Variants in SLC19A3 observed in about 807,000 individuals in gnomAD.
The protein encoded by SLC19A3 is solute carrier family 19 member 3.
In SLC19A3, 31 loss-of-function variants were observed where a neutral mutation model predicts 40.2. The observed-to-expected ratio is 0.77, with a 90% confidence interval of 0.58 to 1.04. SLC19A3 has a LOEUF of 1.04. Ranked by LOEUF, SLC19A3 falls within the 50% of genes least tolerant of loss-of-function variation. The probability of loss-of-function intolerance (pLI) is 0.00; values close to 1 mark genes in which losing one functional copy is unlikely to be tolerated. For synonymous variants in SLC19A3, 212 were observed against 227.5 expected, an observed-to-expected ratio of 0.93 and a Z score of 0.61; for missense variants, 592 against 596.7, an observed-to-expected ratio of 0.99 and a Z score of 0.08.
chr2:227,717,964 C>T lies in SLC19A3; in HGVS notation c.-24G>A, dbSNP rs1574587710. ...TTACCTACAGAAGGGAGTGTCTGTT[C>T]ACCAAATCGCTCACTTGCCGCACGA... is the stretch of plus-strand genomic sequence containing the variant. On this transcript the variant is annotated 5_prime_UTR_variant, in exon 1 of 6. Coordinates refer to ENST00000644224, the MANE Select transcript of SLC19A3 (RefSeq NM_025243.4). 3 of 985,432 alleles carry T rather than the reference C, an allele frequency of 3.0e-6. No homozygotes were observed. The highest frequency in any genetic ancestry group is 3.6e-6 in the Non-Finnish European group (3 of 829,952). 61.0% of individuals were successfully genotyped at this position (985,432 alleles called of 1,614,324 possible).
At chr2:227,691,930 T>C (rs1695246813) in intron 4 of SLC19A3, among the ~76,000 whole-genome samples, 1 of 152,150 alleles carries the variant, frequency 6.6e-6, no homozygotes, top group South Asian at 2.1e-4. Flanking sequence ...GGATCATCAG[T>C]GGCTACTATG....
chr2:227,706,098 T>G (rs1695930060), intron 1 of SLC19A3, among the ~76,000 whole-genome samples: 1 of 152,110 alleles, frequency 6.6e-6, no homozygotes, highest in African/African-American at 2.4e-5. Flanking sequence ...CACATGTCCC[T>G]TATAAACATA....
chr2:227,684,640 T>C lies in SLC19A3; in HGVS notation c.*2757A>G, dbSNP rs78803281. The C allele has an allele frequency of 0.074, 11,248 of 152,390 alleles. 1,178 individuals are homozygous for C. The highest frequency in any genetic ancestry group is 0.24 in the African/African-American group (9,840 of 41,462). The allele number at this position is 152,390 out of a possible 1,614,324, so 9.4% of individuals were successfully genotyped here. On this transcript the variant is annotated 3_prime_UTR_variant, in exon 6 of 6. Transcript: ENST00000644224. ...AATTTCTGACCTCTGATTTTTCTTG[T>C]TTGTCTAATTGTGATGCCTAATGCC...
intron 4 of SLC19A3, among the ~76,000 whole-genome samples, chr2:227,691,677 A>G (rs1695237242): frequency 6.6e-6 from 1 of 152,216 alleles, no homozygotes; most frequent in Admixed American, 6.5e-5. Context: ...ATAAAGAACT[A>G]GAAAAGTAAG....
chr2:227,695,693 T>A lies in SLC19A3; in HGVS notation c.1172+196A>T, dbSNP rs79988924. 8,782 of 607,780 alleles carry A rather than the reference T, an allele frequency of 0.014. 582 individuals carry two copies. Among genetic ancestry groups the A allele is most frequent in the African/African-American group, 0.14 (7,808 of 54,154 alleles). The allele number at this position is 607,780 out of a possible 1,614,324, so 37.6% of individuals were successfully genotyped here. On this transcript the variant is annotated intron_variant, in intron 4 of 5. Coordinates refer to ENST00000644224, the MANE Select transcript of SLC19A3 (RefSeq NM_025243.4). ...TACAGAGTTTTTTCCCTTGATGACTTAAGGTATATTGTAGCAATATTCAGA... is the reference window on the plus strand; with the variant it reads ...TACAGAGTTTTTTCCCTTGATGACTAAAGGTATATTGTAGCAATATTCAGA...
In SLC19A3 at chr2:227,687,423, T is replaced by C. The variant is rs1695056246; in HGVS notation, c.1465A>G (p.Asn489Asp). The change falls in exon 6 of 6, where the codon AAT (asparagine) becomes GAT (aspartate). Residue 489 changes from asparagine to aspartate, a missense_variant. Asn to Asp is a conservative substitution (Grantham distance 23). Coordinates refer to ENST00000644224, the MANE Select transcript of SLC19A3 (RefSeq NM_025243.4). ...TAGAGTTTTGTTGACATGATGATAT[T>C]ACTCTCTTCCTCTGGGTGAGACACA... ...PDVSHPEEESNIIMSTKL is the reference protein window; with the variant it reads ...PDVSHPEEESDIIMSTKL 6.2e-7 allele frequency: 1 copy of C among 1,613,160 alleles called. No individual in the cohort carries two copies. The highest frequency in any genetic ancestry group is 8.5e-7 in the Non-Finnish European group (1 of 1,179,398).
rs886055762 is a variant in SLC19A3, at chr2:227,687,291, T to C, written c.*106A>G. ...TTTGAAAGGTCCATTGGAATCCAGA[T>C]TTGCAAAGCATGTCAAGTTATGGCA... is the stretch of plus-strand genomic sequence containing the variant. On this transcript the variant is annotated 3_prime_UTR_variant, in exon 6 of 6. Transcript: ENST00000644224. 3 of 1,209,344 alleles carry C rather than the reference T, an allele frequency of 2.5e-6. No homozygotes were observed. Among genetic ancestry groups the C allele is most frequent in the Non-Finnish European group, 3.5e-6 (3 of 858,058 alleles). 74.9% of individuals were successfully genotyped at this position (1,209,344 alleles called of 1,614,324 possible). A position where few individuals can be genotyped will look rare whatever the true frequency, so the allele number is the denominator to read the frequency against.
intron 1 of SLC19A3, chr2:227,706,413 C>T: frequency 1.6e-6 from 2 of 1,231,086 alleles, no homozygotes; most frequent in African/African-American, 1.6e-5. Context: ...GTCATCTTCA[C>T]CCATTATTAT....
At chr2:227,693,466 G>A (rs1454708637) in intron 4 of SLC19A3, among the ~76,000 whole-genome samples, 1 of 152,140 alleles carries the variant, frequency 6.6e-6, no homozygotes, top group Non-Finnish European at 1.5e-5. Flanking sequence ...CACCAAAGAT[G>A]CCAGGAACAT....
chr2:227,704,220 T>C (rs2106334776), intron 1 of SLC19A3, among the ~76,000 whole-genome samples: 1 of 152,234 alleles, frequency 6.6e-6, no homozygotes, highest in African/African-American at 2.4e-5. Context: ...AAGACAATCT[T>C]ATAGAAGGAA....
Position 227,693,290 on chromosome 2 carries a change from C to CAAA in SLC19A3, c.1172+2596_1172+2598dup, listed in dbSNP as rs962366388. ...AATGAAACAACAACAACAACAACAA[C>CAAA]AAAAAACTGGAGGAATCACATTGCC... On this transcript the variant is annotated intron_variant, in intron 4 of 5. Coordinates refer to ENST00000644224, the MANE Select transcript of SLC19A3 (RefSeq NM_025243.4). 5.9e-5 allele frequency among the ~76,000 whole-genome samples: 9 copies of CAAA among 151,688 alleles called. 2 individuals are homozygous for CAAA. In the South Asian group the frequency reaches 8.3e-4, roughly 14 times the overall value.
chr2:227,714,438 C>T (rs1053122897), intron 1 of SLC19A3: 2 of 985,298 alleles, frequency 2.0e-6, no homozygotes, highest in Non-Finnish European at 2.4e-6. Context: ...CAGGAGGATC[C>T]CTTGAGTTAC....
At chr2:227,700,078 T>A (rs1409402806) in intron 2 of SLC19A3, among the ~76,000 whole-genome samples, 1 of 151,948 alleles carries the variant, frequency 6.6e-6, no homozygotes, top group Non-Finnish European at 1.5e-5. Flanking sequence ...GGTTTCACCA[T>A]GTTGATCAGG....
intron 1 of SLC19A3, chr2:227,706,292 G>C: frequency 8.1e-7 from 1 of 1,231,252 alleles, no homozygotes; most frequent in Non-Finnish European, 1.0e-6. Context: ...GACATGAATT[G>C]ACTTGATTTT....
In SLC19A3 at chr2:227,706,280, AG is replaced by A. The variant is rs1169617182; in HGVS notation, c.-2-3961del. ...CTTTGCTTCCACTGCTTCTAAGGTG[AG>A]GACATGAATTGACTTGATTTTCTGA... is the stretch of plus-strand genomic sequence containing the variant. On this transcript the variant is annotated intron_variant, in intron 1 of 5. Coordinates refer to ENST00000644224, the MANE Select transcript of SLC19A3 (RefSeq NM_025243.4). 2.4e-6 allele frequency: 3 copies of A among 1,230,236 alleles called. No homozygotes were observed. The East Asian group carries it at 9.5e-5, about 39-fold the overall frequency. The allele number at this position is 1,230,236 out of a possible 1,614,324, so 76.2% of individuals were successfully genotyped here. A position where few individuals can be genotyped will look rare whatever the true frequency, so the allele number is the denominator to read the frequency against.
At chr2:227,708,363 T>C (rs1280501037) in intron 1 of SLC19A3, among the ~76,000 whole-genome samples, 2 of 152,300 alleles carry the variant, frequency 1.3e-5, no homozygotes, top group Middle Eastern at 3.4e-3. Flanking sequence ...CAGAGTTCAA[T>C]TTTTTCTTTC....
rs1162464509 is a variant in SLC19A3, at chr2:227,698,836, G to C, written c.879C>G (p.Asn293Lys). The C allele has an allele frequency of 6.2e-7, 1 of 1,614,072 alleles. No homozygotes were observed. Among genetic ancestry groups the C allele is most frequent in the Non-Finnish European group, 8.5e-7 (1 of 1,180,042 alleles). Residue 293 changes from asparagine (N) to lysine (K), a missense_variant, in exon 3 of 6, where the codon AAC becomes AAG. Asn to Lys is a moderately conservative substitution (Grantham distance 94). Coordinates refer to ENST00000644224, the MANE Select transcript of SLC19A3 (RefSeq NM_025243.4). Reference sequence around the variant, plus strand: ...GGATTTGAACATAGTTCAAAACCTGGTTAAAACCTGCTGTGGCGAAAGCCC... The same window carrying C: ...GGATTTGAACATAGTTCAAAACCTGCTTAAAACCTGCTGTGGCGAAAGCCC... ...LWWAFATAGF[N>K]QVLNYVQILW... is the part of the protein sequence containing the mutation.
At chr2:227,704,353 T>C (rs1695846689) in intron 1 of SLC19A3, among the ~76,000 whole-genome samples, 1 of 152,254 alleles carries the variant, frequency 6.6e-6, no homozygotes, top group Non-Finnish European at 1.5e-5. Context: ...CCAAGTGTTT[T>C]ACCATTTACG....
intron 1 of SLC19A3, among the ~76,000 whole-genome samples, chr2:227,705,078 A>C (rs957903816): frequency 1.3e-5 from 2 of 151,758 alleles, no homozygotes; most frequent in African/African-American, 4.8e-5. Flanking sequence ...GGGTTTTGCC[A>C]TGTTGGCCAG....
Sources: gnomAD v4.1 joint callset for allele counts (sites outside exome capture counted in the v4.1 genomes callset) on GRCh38, gnomAD v4.1.1 for gene constraint, MANE v1.5 for transcripts, NCBI Gene and HGNC (gene_info 2026-07-23, HGNC 2026-07-21) for gene names.